NEDD4L: variants seen among roughly 807,000 people sequenced by gnomAD.
NEDD4L encodes E3 ubiquitin-protein ligase NEDD4-like.
NEDD4L carries 54 observed loss-of-function variants against 148.9 expected under a neutral mutation model. The ratio of observed to expected loss-of-function variants is 0.36; its 90% CI spans 0.29 to 0.45. NEDD4L has a LOEUF of 0.45. Ranked by LOEUF, NEDD4L falls within the 20% of genes least tolerant of loss-of-function variation. The pLI is 1.00. For synonymous variants in NEDD4L, 433 were observed against 440.7 expected (o/e 0.98, Z 0.22); for missense variants, 856 against 1,233.8 (o/e 0.69, Z 4.59).
At chr18:58,216,103 G>T (rs142490275) in intron 2 of NEDD4L, among the ~76,000 whole-genome samples, 1 of 151,872 alleles carries the variant, frequency 6.6e-6, no homozygotes, top group Non-Finnish European at 1.5e-5. Flanking sequence ...CTTTCCTAAC[G>T]TGTGGTACTA....
At chr18:58,096,840 A>G (rs1335402704) in intron 1 of NEDD4L, among the ~76,000 whole-genome samples, 2 of 152,236 alleles carry the variant, frequency 1.3e-5, no homozygotes, top group African/African-American at 4.8e-5. Flanking sequence ...CTGAAGGCCC[A>G]TAAGTCACAG....
intron 2 of NEDD4L, among the ~76,000 whole-genome samples, chr18:58,179,817 ATAAT>A (rs879454579): frequency 6.6e-6 from 1 of 152,112 alleles, no homozygotes; most frequent in Non-Finnish European, 1.5e-5. Flanking sequence ...GAAGAGTTGT[ATAAT>A]TATTTCATCA....
chr18:58,383,240 T>C lies in NEDD4L; in HGVS notation c.2353-6T>C. 1 of 1,463,998 alleles carries C rather than the reference T, an allele frequency of 6.8e-7. No individual in the cohort carries two copies. Among genetic ancestry groups the C allele is most frequent in the East Asian group, 2.5e-5 (1 of 40,716 alleles). The allele number at this position is 1,463,998 out of a possible 1,614,324, so 90.7% of individuals were successfully genotyped here. A position where few individuals can be genotyped will look rare whatever the true frequency, so the allele number is the denominator to read the frequency against. On this transcript the variant is annotated splice_polypyrimidine_tract_variant and splice_region_variant and intron_variant, in intron 24 of 30. Coordinates refer to ENST00000400345, the MANE Select transcript of NEDD4L (RefSeq NM_001144967.3). ...AGTAATTGTTGTTTTGTCTTTGTAA[T>C]TACAGACATATCAAGTGGATTTGAA... is the stretch of plus-strand genomic sequence containing the variant.
intron 18 of NEDD4L, among the ~76,000 whole-genome samples, chr18:58,352,393 AC>A (rs2044003148): frequency 6.6e-6 from 1 of 152,142 alleles, no homozygotes; most frequent in Non-Finnish European, 1.5e-5. Context: ...AGTGGCTCAC[AC>A]CTGTAATCCC....
intron 1 of NEDD4L, chr18:58,047,374 A>G (rs1031950618): frequency 5.1e-6 from 5 of 985,134 alleles, no homozygotes; most frequent in African/African-American, 1.7e-5. Context: ...GTTATGTCCC[A>G]TCTCATAAAG....
intron 27 of NEDD4L, chr18:58,388,708 A>G (rs1335973260): frequency 5.1e-6 from 1 of 194,530 alleles, no homozygotes; most frequent in Non-Finnish European, 1.1e-5. Flanking sequence ...ATGCTTTTAG[A>G]TATTCAGAGG....
chr18:58,123,621 A>G (rs992616499), intron 1 of NEDD4L, among the ~76,000 whole-genome samples: 7 of 152,078 alleles, frequency 4.6e-5, no homozygotes, highest in Admixed American at 1.3e-4. Context: ...GGCTGTCATC[A>G]CTCATTGTAT....
chr18:58,045,256 C>T, intron 1 of NEDD4L: 2 of 397,228 alleles, frequency 5.0e-6, no homozygotes, highest in Non-Finnish European at 8.9e-6. Context: ...TCCCTCCCCT[C>T]GTTTTGCAAA....
chr18:58,242,435 GGGA>G (rs2046745778), intron 2 of NEDD4L, among the ~76,000 whole-genome samples: 1 of 152,150 alleles, frequency 6.6e-6, no homozygotes. Flanking sequence ...CCAGCTGAAA[GGGA>G]GGAGGAGCCT....
intron 1 of NEDD4L, among the ~76,000 whole-genome samples, chr18:58,114,159 T>G (rs1379685163): frequency 6.6e-6 from 1 of 152,146 alleles, no homozygotes; most frequent in Non-Finnish European, 1.5e-5. Flanking sequence ...CAACTCTGAG[T>G]GACCCTTCCA....
chr18:58,311,239 A>G (rs2057662898), intron 5 of NEDD4L, among the ~76,000 whole-genome samples: 1 of 152,220 alleles, frequency 6.6e-6, no homozygotes, highest in African/African-American at 2.4e-5. Flanking sequence ...TATGTGAGGC[A>G]CTGATATTTT....
At chr18:58,243,330 A>C (rs1228326063) in intron 2 of NEDD4L, among the ~76,000 whole-genome samples, 1 of 152,168 alleles carries the variant, frequency 6.6e-6, no homozygotes, top group Non-Finnish European at 1.5e-5. Context: ...TCAGGCCTTG[A>C]GCTCTTTTAT....
intron 5 of NEDD4L, among the ~76,000 whole-genome samples, chr18:58,268,968 C>G (rs2050637637): frequency 6.6e-6 from 1 of 152,014 alleles, no homozygotes; most frequent in Admixed American, 6.5e-5. Flanking sequence ...GACTCAGAGC[C>G]TCCTCCCTTC....
Position 58,122,046 on chromosome 18 carries a change from G to C in NEDD4L, c.49-43742G>C, listed in dbSNP as rs142274217. Among the ~76,000 whole-genome samples the C allele has an allele frequency of 1.5e-3, 231 of 152,348 alleles. 3 individuals are homozygous for C. The East Asian group carries it at 0.04, about 26-fold the overall frequency. ...TCAGAGCTTTGTTTTATTAAAATCA[G>C]TGCCTGGGAGTTGCTCAAGTCTTTG... is the stretch of plus-strand genomic sequence containing the variant. On this transcript the variant is annotated intron_variant, in intron 1 of 30. Coordinates refer to ENST00000400345, the MANE Select transcript of NEDD4L (RefSeq NM_001144967.3).
intron 1 of NEDD4L, among the ~76,000 whole-genome samples, chr18:58,096,415 T>A (rs900309041): frequency 6.0e-5 from 7 of 116,408 alleles, no homozygotes; most frequent in Non-Finnish European, 1.1e-4. Context: ...TATTTTATTT[T>A]ATTTATTTGA....
intron 16 of NEDD4L, among the ~76,000 whole-genome samples, chr18:58,346,074 CAAAG>C (rs879308608): frequency 6.6e-6 from 1 of 151,958 alleles, no homozygotes; most frequent in East Asian, 1.9e-4. Flanking sequence ...TAGCTTCATT[CAAAG>C]AAAGAAAGAA....
chr18:58,210,507 G>A (rs2042494123), intron 2 of NEDD4L, among the ~76,000 whole-genome samples: 1 of 151,940 alleles, frequency 6.6e-6, no homozygotes, highest in Non-Finnish European at 1.5e-5. Flanking sequence ...GGAGTGCAAC[G>A]GTGCGATCTC....
chr18:58,191,430 C>T (rs2040106818), intron 2 of NEDD4L, among the ~76,000 whole-genome samples: 1 of 152,194 alleles, frequency 6.6e-6, no homozygotes, highest in Admixed American at 6.5e-5. Flanking sequence ...GATCAAGGGC[C>T]TGGCTTTTGA....
In NEDD4L at chr18:58,107,825, A is replaced by G. The variant is rs190013335; in HGVS notation, c.49-57963A>G. ...CCTCCCAGGCTCATATGATCCTCCC[A>G]TTCCGGCCTCCCAAGTAATTGGGAC... On this transcript the variant is annotated intron_variant, in intron 1 of 30. Coordinates refer to ENST00000400345, the MANE Select transcript of NEDD4L (RefSeq NM_001144967.3). Among the ~76,000 whole-genome samples, 692 of 152,072 alleles carry G rather than the reference A, an allele frequency of 4.6e-3. 4 individuals are homozygous for G. Among genetic ancestry groups the G allele is most frequent in the Middle Eastern group, 0.034 (10 of 294 alleles).
Sources: allele counts gnomAD v4.1 joint callset (sites outside exome capture counted in the v4.1 genomes callset), GRCh38; gene constraint gnomAD v4.1.1; transcripts MANE v1.5; gene names NCBI Gene and HGNC (gene_info 2026-07-23, HGNC 2026-07-21).